KITLG: variants seen among roughly 807,000 people sequenced by gnomAD.
KITLG encodes c-Kit ligand.
KITLG carries 13 observed loss-of-function variants against 34.1 expected under a neutral mutation model. That is an observed-to-expected ratio of 0.38 (90% CI 0.25 to 0.61). The LOEUF (loss-of-function observed/expected upper bound fraction) is 0.61. KITLG is among the 20% of genes least tolerant of loss of function. KITLG has a pLI of 0.60. For synonymous variants in KITLG, 110 were observed against 104.0 expected (o/e 1.06, Z -0.35); for missense variants, 292 against 318.9 (o/e 0.92, Z 0.64).
intron 9 of KITLG, among the ~76,000 whole-genome samples, chr12:88,503,781 T>C (rs561409476): frequency 1.4e-3 from 219 of 152,304 alleles, no homozygotes; most frequent in African/African-American, 5.2e-3. Flanking sequence ...TTATGTTCCG[T>C]GCATCCTGGG....
At chr12:88,512,129 T>C (rs1341931630) in intron 6 of KITLG, among the ~76,000 whole-genome samples, 11 of 152,160 alleles carry the variant, frequency 7.2e-5, no homozygotes, top group Non-Finnish European at 1.3e-4. Context: ...GAGCAGCTAT[T>C]ATATTTAAGT....
chr12:88,567,899 A>T (rs1871500019), intron 1 of KITLG, among the ~76,000 whole-genome samples: 1 of 152,250 alleles, frequency 6.6e-6, no homozygotes, highest in Non-Finnish European at 1.5e-5. Context: ...TGAAGAGATG[A>T]TTCCAGATTT....
intron 2 of KITLG, chr12:88,534,690 C>T (rs747812800): frequency 3.9e-6 from 2 of 515,798 alleles, no homozygotes; most frequent in Middle Eastern, 3.2e-4. Context: ...TGAAAACACA[C>T]CTGAGCTGCC....
At chr12:88,508,763 G>A (rs1331952795) in intron 6 of KITLG, among the ~76,000 whole-genome samples, 1 of 152,104 alleles carries the variant, frequency 6.6e-6, no homozygotes, top group Non-Finnish European at 1.5e-5. Flanking sequence ...TCAAGTTGGA[G>A]CCCAATGTGA....
intron 4 of KITLG, among the ~76,000 whole-genome samples, chr12:88,517,846 A>C (rs1869509945): frequency 6.6e-6 from 1 of 152,134 alleles, no homozygotes; most frequent in Non-Finnish European, 1.5e-5. Context: ...GATGGGACAC[A>C]GGAAAAAGCA....
At chr12:88,562,652 A>G in intron 1 of KITLG, among the ~76,000 whole-genome samples, 1 of 152,238 alleles carries the variant, frequency 6.6e-6, no homozygotes. Flanking sequence ...GATTAGCTAA[A>G]TGCTTCTCAG....
At chr12:88,571,804 C>G (rs1592590137) in intron 1 of KITLG, among the ~76,000 whole-genome samples, 1 of 152,082 alleles carries the variant, frequency 6.6e-6, no homozygotes, top group Non-Finnish European at 1.5e-5. Context: ...TTCATGTAAA[C>G]AGAATGCATA....
chr12:88,504,769 T>C (rs1290423736), intron 9 of KITLG, among the ~76,000 whole-genome samples: 2 of 152,196 alleles, frequency 1.3e-5, no homozygotes, highest in African/African-American at 4.8e-5. Context: ...ACTGGGTATA[T>C]ACCCAAAGGA....
intron 1 of KITLG, among the ~76,000 whole-genome samples, chr12:88,569,019 T>C (rs1871551406): frequency 6.6e-6 from 1 of 152,212 alleles, no homozygotes; most frequent in Non-Finnish European, 1.5e-5. Context: ...GCCATGTTCT[T>C]TCCATTTTCT....
intron 1 of KITLG, among the ~76,000 whole-genome samples, chr12:88,555,777 A>G (rs993128052): frequency 1.3e-5 from 2 of 152,218 alleles, no homozygotes; most frequent in African/African-American, 4.8e-5. Context: ...GTGCTTTCAG[A>G]CTTCTAGTAA....
At chr12:88,540,736 T>C (rs895343676) in intron 2 of KITLG, among the ~76,000 whole-genome samples, 33 of 152,198 alleles carry the variant, frequency 2.2e-4, no homozygotes, top group African/African-American at 8.0e-4. Context: ...AAGACTCATA[T>C]GCTTGATAAT....
At chr12:88,544,028 G>C (rs2662059) in intron 2 of KITLG, among the ~76,000 whole-genome samples, 10 of 152,274 alleles carry the variant, frequency 6.6e-5, no homozygotes, top group Admixed American at 4.6e-4. Context: ...TAAGTAGTCA[G>C]ATGGGAGCTA....
chr12:88,504,543 C>G (rs1408830496), intron 9 of KITLG, among the ~76,000 whole-genome samples: 1 of 152,064 alleles, frequency 6.6e-6, no homozygotes, highest in Admixed American at 6.5e-5. Context: ...CAGAGAAATG[C>G]AAATCAAAAC....
chr12:88,574,181 C>A (rs189203222), intron 1 of KITLG, among the ~76,000 whole-genome samples: 32 of 151,720 alleles, frequency 2.1e-4, no homozygotes, highest in East Asian at 1.5e-3. Context: ...ATGGTTGTGG[C>A]CCTGTTTTCT....
intron 9 of KITLG, among the ~76,000 whole-genome samples, chr12:88,498,832 C>A (rs1868741644): frequency 6.6e-6 from 1 of 152,014 alleles, no homozygotes; most frequent in African/African-American, 2.4e-5. Flanking sequence ...TGAGATCACG[C>A]CACTGCACTC....
intron 1 of KITLG, among the ~76,000 whole-genome samples, chr12:88,570,393 C>T (rs1447772187): frequency 6.6e-6 from 1 of 152,108 alleles, no homozygotes; most frequent in Non-Finnish European, 1.5e-5. Flanking sequence ...ATTTACACTT[C>T]TGGTAAGTAC....
intron 5 of KITLG, 47 bp from the exon 6 acceptor site, chr12:88,515,664 G>T: frequency 7.3e-7 from 1 of 1,364,890 alleles, no homozygotes; most frequent in South Asian, 1.2e-5. Flanking sequence ...TGATTTGTAT[G>T]AGTTATAGAG....
At chr12:88,506,487 G>A (rs965380829) in intron 7 of KITLG, 109 bp from the exon 8 acceptor site, 2 of 809,218 alleles carry the variant, frequency 2.5e-6, no homozygotes, top group African/African-American at 1.7e-5. Flanking sequence ...TCCAATAACA[G>A]TTTTTTCAGC....
intron 8 of KITLG, 123 bp downstream of exon 8, chr12:88,506,188 A>G: frequency 1.4e-6 from 1 of 740,716 alleles, no homozygotes; most frequent in Non-Finnish European, 2.5e-6. Context: ...TAGAGTTGGG[A>G]CTCACTGGTT....
Sources: gnomAD v4.1 joint callset for allele counts (sites outside exome capture counted in the v4.1 genomes callset) on GRCh38, gnomAD v4.1.1 for gene constraint, MANE v1.5 for transcripts, NCBI Gene and HGNC (gene_info 2026-07-23, HGNC 2026-07-21) for gene names.